Variants in PLXNA2 observed in about 807,000 individuals in gnomAD.
PLXNA2 encodes plexin A2, also known as plexin-A2.
In PLXNA2, 91 loss-of-function variants were observed where a neutral mutation model predicts 193.5. The observed-to-expected ratio is 0.47, with a 90% CI of 0.40 to 0.56. The LOEUF is 0.56. Among genes scored for constraint, PLXNA2 ranks in the 20% least tolerant of loss-of-function variants. The pLI, the probability that PLXNA2 is intolerant of heterozygous loss-of-function variation, is 0.00. For synonymous variants in PLXNA2, 997 were observed against 1,027.3 expected (o/e 0.97, Z 0.56); for missense variants, 1,995 against 2,503.2 (o/e 0.80, Z 4.33).
chr1:208,052,340 A>G lies in PLXNA2; in HGVS notation c.2980T>C (p.Cys994Arg). 6.2e-7 allele frequency: 1 copy of G among 1,613,174 alleles called. No individual in the cohort carries two copies. The highest frequency in any genetic ancestry group is 8.5e-7 in the Non-Finnish European group (1 of 1,180,006). ...SVAVYLGNQTCEFYGRSMSEI... is the reference protein window; with the variant it reads ...SVAVYLGNQTREFYGRSMSEI... ...AGTTTATCTCACCCGTAGAACTCGC[A>G]GGTCTGGTTGCCCAGGTAGACTGCC... The change falls in exon 15 of 32, where the codon TGC becomes CGC. Residue 994 changes from cysteine to arginine, a missense_variant. By Grantham distance (180) the Cys-to-Arg change is radical. Around this residue, in one of 3 missense-constraint regions of PLXNA2, gnomAD observed 1,291 missense variants for 1,673.6 expected, o/e 0.77. Transcript: ENST00000367033.
chr1:208,139,332 C>T (rs1184687945), intron 4 of PLXNA2, among the ~76,000 whole-genome samples: 3 of 152,192 alleles, frequency 2.0e-5, no homozygotes, highest in African/African-American at 7.2e-5. Flanking sequence ...GATCTCCTGG[C>T]TCAGGCTGAG....
Position 208,044,660 on chromosome 1 carries a change from C to T in PLXNA2, c.3722G>A (p.Ser1241Asn), listed in dbSNP as rs1161067673. Residue 1241 changes from serine to asparagine, a missense_variant, in exon 20 of 32, where the codon AGC (serine) becomes AAC (asparagine). Transcript: ENST00000367033. This position sits in a 1 kb window ranked among gnomAD's most constrained non-coding sequence, Gnocchi z 4.9. ...GAGGAGGCTGCCGCCGGCCGCGATG[C>T]TGACGATGGCTGGCAGGGTCAGCAA... ...DSLLTLPAIV[S>N]IAAGGSLLLI... 6.2e-7 allele frequency: 1 copy of T among 1,614,090 alleles called. No individual in the cohort carries two copies.
intron 10 of PLXNA2, among the ~76,000 whole-genome samples, chr1:208,083,507 C>T (rs958029727): frequency 4.6e-5 from 7 of 151,954 alleles, no homozygotes; most frequent in South Asian, 2.1e-4. Flanking sequence ...CTTCCCCTTG[C>T]GCTTGGCGGC....
At chr1:208,124,438 G>A (rs1350552088) in intron 4 of PLXNA2, among the ~76,000 whole-genome samples, 2 of 151,620 alleles carry the variant, frequency 1.3e-5, no homozygotes, top group Non-Finnish European at 2.9e-5. Flanking sequence ...CAGCACTTTG[G>A]GAAGCCGAAG....
intron 17 of PLXNA2, among the ~76,000 whole-genome samples, chr1:208,050,704 C>T (rs1015863858): frequency 1.3e-5 from 2 of 152,126 alleles, no homozygotes; most frequent in African/African-American, 2.4e-5. Context: ...AAGCATGCGC[C>T]TGTGGTCCTA....
rs550963257 is a variant in PLXNA2, at chr1:208,217,007, C to G, written c.916G>C (p.Glu306Gln). The G allele has an allele frequency of 1.2e-6, 2 of 1,611,570 alleles. No homozygotes were observed. The highest frequency in any genetic ancestry group is 1.7e-5 in the Admixed American group (1 of 59,902). Residue 306 changes from glutamate (E) to glutamine (Q), a missense_variant, in exon 2 of 32, where the codon GAA (glutamate) becomes CAA (glutamine). Physicochemically the swap from Glu to Gln is conservative, Grantham distance 29 (BLOSUM62 2). Transcript: ENST00000367033. The surrounding 1 kb of genome is among the most constrained non-coding windows in gnomAD (Gnocchi z 4.7). Reference sequence around the variant, plus strand: ...TAAGCAGCCTGCAGGAGGCGGTATTCCACCCCGGCCCGGGTGCAGCCGAAG... The same window carrying G: ...TAAGCAGCCTGCAGGAGGCGGTATTGCACCCCGGCCCGGGTGCAGCCGAAG... ...LPFGCTRAGVEYRLLQAAYLA... is the reference protein window; with the variant it reads ...LPFGCTRAGVQYRLLQAAYLA...
chr1:208,055,453 C>A (rs560112717), intron 13 of PLXNA2, among the ~76,000 whole-genome samples: 1 of 152,056 alleles, frequency 6.6e-6, no homozygotes, highest in Non-Finnish European at 1.5e-5. Context: ...GAAACTCTTG[C>A]CTGGAATGGT....
At chr1:208,101,360 C>G (rs1667091345) in intron 5 of PLXNA2, among the ~76,000 whole-genome samples, 2 of 152,150 alleles carry the variant, frequency 1.3e-5, no homozygotes, top group Admixed American at 1.3e-4. Context: ...CAGGCTGCTG[C>G]TTGGCAGGTG....
At chr1:208,089,530 G>C (rs1466790586) in intron 9 of PLXNA2, among the ~76,000 whole-genome samples, 2 of 152,176 alleles carry the variant, frequency 1.3e-5, no homozygotes, top group East Asian at 1.9e-4. Flanking sequence ...AATGTCAGTG[G>C]TTCTCAATCT....
rs1401301292 is a variant in PLXNA2 at position 208,045,918 on chromosome 1, C to G, written c.3455G>C (p.Gly1152Ala). The G allele has an allele frequency of 6.2e-7, 1 of 1,614,256 alleles. No individual in the cohort carries two copies. Among genetic ancestry groups the G allele is most frequent in the African/African-American group, 1.3e-5 (1 of 75,064 alleles). ...CGATCCTGGCTTTTGATCCAAGACT[C>G]CAGTAGGGCTAAGCAGTTCAAAGGT... ...NPTFELLSPT[G>A]VLDQKPGSPI... Residue 1152 changes from glycine to alanine, a missense_variant, in exon 18 of 32, where the codon GGA (glycine) becomes GCA (alanine). This residue lies in a region of PLXNA2 where 1,291 missense variants were observed against 1,673.6 expected (regional missense o/e 0.77). Transcript: ENST00000367033.
chr1:208,194,731 T>G (rs1241581539), intron 3 of PLXNA2, among the ~76,000 whole-genome samples: 1 of 152,190 alleles, frequency 6.6e-6, no homozygotes, highest in African/African-American at 2.4e-5. Context: ...GCTGTCCTTC[T>G]CCACCTCCCA....
rs139861855 is a variant in PLXNA2 at position 208,090,157 on chromosome 1, T to G, written c.2097+2629A>C. Among the ~76,000 whole-genome samples the G allele has an allele frequency of 1.3e-3, 192 of 151,990 alleles. 1 individual carries two copies. The highest frequency in any genetic ancestry group is 4.5e-3 in the African/African-American group (185 of 41,454). ...GAGCAAAGTTGGGAGCTGGATGGAG[T>G]CTGGGCTTCCCTCACAGTCCTCCGG... On this transcript the variant is annotated intron_variant, in intron 9 of 31. Coordinates refer to ENST00000367033, the MANE Select transcript of PLXNA2 (RefSeq NM_025179.4).
At chr1:208,195,727 C>T (rs1219325632) in intron 3 of PLXNA2, among the ~76,000 whole-genome samples, 1 of 152,004 alleles carries the variant, frequency 6.6e-6, no homozygotes, top group Non-Finnish European at 1.5e-5. Context: ...AGACTGGCTG[C>T]AGCCCAGGGG....
intron 9 of PLXNA2, among the ~76,000 whole-genome samples, chr1:208,084,952 G>C (rs574843149): frequency 1.3e-5 from 2 of 152,122 alleles, no homozygotes; most frequent in Non-Finnish European, 2.9e-5. Context: ...CCAGATACTC[G>C]GCCCCTTGCA....
intron 11 of PLXNA2, among the ~76,000 whole-genome samples, chr1:208,081,650 T>A (rs759889877): frequency 4.6e-5 from 7 of 152,190 alleles, no homozygotes; most frequent in Non-Finnish European, 7.3e-5. Context: ...AGTTTCCTCA[T>A]CTAGAAAATG....
rs142508192 is a variant in PLXNA2 at position 208,217,457 on chromosome 1, C to G, written c.466G>C (p.Glu156Gln). Residue 156 changes from glutamate (E) to glutamine (Q), a missense_variant, in exon 2 of 32, where the codon GAG (glutamate) becomes CAG (glutamine). This residue lies in a region of PLXNA2 where 702 missense variants were observed against 812.9 expected (regional missense o/e 0.86). Transcript: ENST00000367033. This position sits in a 1 kb window ranked among gnomAD's most constrained non-coding sequence, Gnocchi z 4.7. ...TTGTTGACACTGGACAGGTAGTGCT[C>G]CTTCTTGTGGGATGGCTCCACCAGG... Reference protein sequence around the residue: ...FILVEPSHKKEHYLSSVNKTG... With the variant: ...FILVEPSHKKQHYLSSVNKTG... 17 of 1,614,052 alleles carry G rather than the reference C, an allele frequency of 1.1e-5. No individual in the cohort carries two copies. Among genetic ancestry groups the G allele is most frequent in the Non-Finnish European group, 1.4e-5 (17 of 1,180,042 alleles).
intron 3 of PLXNA2, among the ~76,000 whole-genome samples, chr1:208,167,288 T>G (rs1054535014): frequency 1.3e-4 from 20 of 152,098 alleles, no homozygotes; most frequent in African/African-American, 4.8e-4. Context: ...CTCTGCCCTC[T>G]CTCCCACACC....
At chr1:208,190,153 G>C (rs1670131307) in intron 3 of PLXNA2, among the ~76,000 whole-genome samples, 2 of 152,110 alleles carry the variant, frequency 1.3e-5, no homozygotes, top group Admixed American at 1.3e-4. Flanking sequence ...GGCAGAAAAG[G>C]GATTTTTTTT....
chr1:208,092,908 G>A lies in PLXNA2; in HGVS notation c.1983-8C>T, dbSNP rs768608955. The A allele has an allele frequency of 3.8e-6, 6 of 1,596,880 alleles. No homozygotes were observed. The highest frequency in any genetic ancestry group is 5.2e-6 in the Non-Finnish European group (6 of 1,164,682). ...TTGACACAGGACAGGCACCTGCAAG[G>A]ACAGAGATGGTGAGAGGCAAAGAGA... On this transcript the variant is annotated splice_polypyrimidine_tract_variant and splice_region_variant and intron_variant, in intron 8 of 31. Coordinates refer to ENST00000367033, the MANE Select transcript of PLXNA2 (RefSeq NM_025179.4).
Sources: gnomAD v4.1 joint callset for allele counts (sites outside exome capture counted in the v4.1 genomes callset) on GRCh38, gnomAD v4.1.1 for gene constraint, gnomAD v4.1.1 regional missense constraint, Gnocchi (gnomAD v3.1) non-coding constraint, MANE v1.5 for transcripts, NCBI Gene and HGNC (gene_info 2026-07-23, HGNC 2026-07-21) for gene names.